ABCA10: variants seen among roughly 807,000 people sequenced by gnomAD.
The protein encoded by ABCA10 is ATP-binding cassette sub-family A member 10.
In ABCA10, 169 loss-of-function variants were observed where a neutral mutation model predicts 187.5. The ratio of observed to expected loss-of-function variants is 0.90; its 90% CI spans 0.80 to 1.02. The LOEUF (loss-of-function observed/expected upper bound fraction) is 1.02. ABCA10 is among the 50% of genes least tolerant of loss of function. The pLI is 0.00. For synonymous variants in ABCA10, 574 were observed against 601.8 expected (o/e 0.95, Z 0.68); for missense variants, 1,727 against 1,812.4 (o/e 0.95, Z 0.86).
chr17:69,169,013 G>A (rs1451666389), intron 25 of ABCA10, among the ~76,000 whole-genome samples: 2 of 152,168 alleles, frequency 1.3e-5, no homozygotes, highest in African/African-American at 2.4e-5. Context: ...AATTCCTATT[G>A]AGTACTTCAT....
At chr17:69,229,512 C>T (rs145262947), upstream of ABCA10, among the ~76,000 whole-genome samples, 1 of 151,730 alleles carries the variant, frequency 6.6e-6, no homozygotes, top group Non-Finnish European at 1.5e-5. Context: ...CTTTATCAAC[C>T]CTGAAAATCT....
chr17:69,216,165 T>G (rs1320561794), intron 7 of ABCA10, 52 bp downstream of exon 7: 1 of 1,565,412 alleles, frequency 6.4e-7, no homozygotes, highest in East Asian at 2.2e-5. Flanking sequence ...TATTTGCTCA[T>G]GTATCTGTAA....
chr17:69,155,176 C>T (rs1252898006), intron 29 of ABCA10, 40 bp from the exon 30 acceptor site: 1 of 1,452,826 alleles, frequency 6.9e-7, no homozygotes, highest in East Asian at 2.3e-5. Flanking sequence ...TGTTAAATTT[C>T]AGATACTTTA....
chr17:69,243,640 GTAA>G (rs1568082123), intron 1 of ABCA10, among the ~76,000 whole-genome samples: 1 of 152,208 alleles, frequency 6.6e-6, no homozygotes, highest in Non-Finnish European at 1.5e-5. Context: ...GTTCACACCT[GTAA>G]TTCCGACACT....
At chr17:69,182,073 C>T in intron 22 of ABCA10, 80 bp downstream of exon 22, 5 of 1,291,942 alleles carry the variant, frequency 3.9e-6, no homozygotes, top group Non-Finnish European at 5.0e-6. Flanking sequence ...AAGATTTGAA[C>T]TCACATGGTA....
At chr17:69,155,631 T>A (rs9894557) in intron 29 of ABCA10, among the ~76,000 whole-genome samples, 174 bp downstream of exon 29, 45 of 152,090 alleles carry the variant, frequency 3.0e-4, no homozygotes, top group African/African-American at 1.0e-3. Flanking sequence ...GAAGAAAAAA[T>A]TAAAAGAATG....
chr17:69,229,228 T>C (rs1002411755), upstream of ABCA10, among the ~76,000 whole-genome samples: 1 of 152,034 alleles, frequency 6.6e-6, no homozygotes, highest in African/African-American at 2.4e-5. Context: ...CTCACATCCA[T>C]TAAACAAATT....
At chr17:69,198,357 C>G (rs771731163) in intron 10 of ABCA10, among the ~76,000 whole-genome samples, 1 of 152,104 alleles carries the variant, frequency 6.6e-6, no homozygotes, top group African/African-American at 2.4e-5. Context: ...TTCACGGAAC[C>G]CTCTTTTCAG....
At chr17:69,215,465 G>T (rs1443824811) in intron 8 of ABCA10, 2 of 179,612 alleles carry the variant, frequency 1.1e-5, no homozygotes, top group East Asian at 3.2e-4. Flanking sequence ...GTCACCAGCT[G>T]GTAGGCAACA....
intron 10 of ABCA10, among the ~76,000 whole-genome samples, chr17:69,201,034 A>G (rs2074539795): frequency 6.6e-6 from 1 of 152,204 alleles, no homozygotes; most frequent in Admixed American, 6.5e-5. Context: ...GAAATGAATG[A>G]AAAAGCTGCT....
chr17:69,200,302 T>C (rs1180322556), intron 10 of ABCA10, among the ~76,000 whole-genome samples: 1 of 152,214 alleles, frequency 6.6e-6, no homozygotes, highest in East Asian at 1.9e-4. Context: ...ATGAAGAAAC[T>C]GAGGCATAGG....
rs111796360 is a variant in ABCA10, at chr17:69,201,560, T to G, written c.1115A>C (p.His372Pro). 3.4e-3 allele frequency: 5,478 copies of G among 1,611,734 alleles called. 138 individuals are homozygous for G. The African/African-American group carries it at 0.062, about 18-fold the overall frequency. ...CGGTTCAAAAGAATCATCAGAGGAA[T>G]GCTCAGGATTTATTTCATTCTCAAA... The part of the protein sequence containing the change: ...EIFENEINPE[H>P]SSDDSFEPVS... Residue 372 changes from histidine to proline, a missense_variant, in exon 10 of 39, where the codon CAT becomes CCT. By Grantham distance (77) the His-to-Pro change is moderately conservative. Transcript: ENST00000690296.
At chr17:69,149,369 T>A in intron 37 of ABCA10, 1 of 359,872 alleles carries the variant, frequency 2.8e-6, no homozygotes, top group Non-Finnish European at 5.0e-6. Flanking sequence ...TCCAAATCAG[T>A]TGTCGAGAAT....
intron 10 of ABCA10, among the ~76,000 whole-genome samples, chr17:69,199,861 C>T (rs562957288): frequency 9.9e-5 from 15 of 152,210 alleles, no homozygotes; most frequent in Admixed American, 7.2e-4. Flanking sequence ...CTGTTGTCAA[C>T]GTAATTTCTA....
intron 1 of ABCA10, among the ~76,000 whole-genome samples, chr17:69,239,817 G>A (rs1317528320): frequency 2.0e-5 from 3 of 152,258 alleles, no homozygotes; most frequent in African/African-American, 2.4e-5. Flanking sequence ...TGACGTTGGC[G>A]TGCCCTTCAA....
chr17:69,160,874 G>T (rs898694310), intron 27 of ABCA10, among the ~76,000 whole-genome samples: 1 of 152,000 alleles, frequency 6.6e-6, no homozygotes, highest in African/African-American at 2.4e-5. Flanking sequence ...AATAAAACTA[G>T]AACTACCATA....
chr17:69,197,243 G>A (rs1434573559), intron 10 of ABCA10, 121 bp from the exon 11 acceptor site: 5 of 724,398 alleles, frequency 6.9e-6, no homozygotes, highest in African/African-American at 1.8e-5. Flanking sequence ...GGGATGTAAG[G>A]AGGGCAGTAA....
At chr17:69,231,208 C>A (rs1055573831), upstream of ABCA10, among the ~76,000 whole-genome samples, 1 of 152,110 alleles carries the variant, frequency 6.6e-6, no homozygotes, top group African/African-American at 2.4e-5. Context: ...CTTGCAGATA[C>A]GTAACTCTAA....
At chr17:69,188,224 C>T (rs1273908721) in intron 18 of ABCA10, among the ~76,000 whole-genome samples, 2 of 152,092 alleles carry the variant, frequency 1.3e-5, no homozygotes, top group Admixed American at 1.3e-4. Flanking sequence ...AACAGGCCTC[C>T]TCTGTCATCT....
Sources: allele counts gnomAD v4.1 joint callset (sites outside exome capture counted in the v4.1 genomes callset), GRCh38; gene constraint gnomAD v4.1.1; transcripts MANE v1.5; gene names NCBI Gene and HGNC (gene_info 2026-07-23, HGNC 2026-07-21).